NDEL1: variants seen among roughly 807,000 people sequenced by gnomAD.
NDEL1 encodes nuclear distribution protein nudE-like 1.
Under a neutral mutation model 45.7 loss-of-function variants are expected in NDEL1, and 9 were observed. The ratio of observed to expected loss-of-function variants is 0.20; its 90% CI spans 0.12 to 0.34. The LOEUF is 0.34. NDEL1 is among the 10% of genes least tolerant of loss of function. The pLI, the probability that NDEL1 is intolerant of heterozygous loss-of-function variation, is 1.00. For synonymous variants in NDEL1, 133 were observed against 158.6 expected (o/e 0.84, Z 1.21); for missense variants, 306 against 406.2 (o/e 0.75, Z 2.12).
upstream of NDEL1, among the ~76,000 whole-genome samples, chr17:8,435,683 G>T (rs372620077): frequency 2.7e-3 from 407 of 152,348 alleles, 5 homozygotes; most frequent in African/African-American, 9.4e-3. Context: ...GCCAAAACCA[G>T]CCGGTCGCAG....
At chr17:8,472,485 C>T (rs1456891316), downstream of NDEL1, among the ~76,000 whole-genome samples, 1 of 152,070 alleles carries the variant, frequency 6.6e-6, no homozygotes, top group Non-Finnish European at 1.5e-5. Context: ...ATGGTGAAAC[C>T]CCGTTTCTAC....
intron 7 of NDEL1, among the ~76,000 whole-genome samples, chr17:8,456,542 A>T (rs1910860681): frequency 7.5e-6 from 1 of 133,382 alleles, no homozygotes; most frequent in Admixed American, 8.9e-5. Context: ...TTTGTTGCCA[A>T]GGCTGGAGTG....
chr17:8,472,033 C>G (rs1019577665), downstream of NDEL1, among the ~76,000 whole-genome samples: 1 of 152,190 alleles, frequency 6.6e-6, no homozygotes, highest in Non-Finnish European at 1.5e-5. Context: ...CCTAACGATT[C>G]CAACCTGGAG....
intron 1 of NDEL1, among the ~76,000 whole-genome samples, chr17:8,414,396 G>T (rs964366804): frequency 6.6e-6 from 1 of 152,140 alleles, no homozygotes; most frequent in Non-Finnish European, 1.5e-5. Context: ...GGCCGGGCGC[G>T]GTGGCTCACG....
intron 1 of NDEL1, among the ~76,000 whole-genome samples, chr17:8,419,377 TA>T (rs1908647871): frequency 6.6e-6 from 1 of 152,164 alleles, no homozygotes; most frequent in Non-Finnish European, 1.5e-5. Context: ...CATATAAATA[TA>T]TTCCAGTCTT....
chr17:8,454,723 T>C, intron 6 of NDEL1, 73 bp from the exon 7 acceptor site: 1 of 1,088,604 alleles, frequency 9.2e-7, no homozygotes, highest in Non-Finnish European at 1.4e-6. Context: ...TACACTACTT[T>C]GTAACATCAA....
intron 8 of NDEL1, among the ~76,000 whole-genome samples, chr17:8,462,170 G>A (rs780608639): frequency 2.0e-5 from 3 of 151,606 alleles, no homozygotes; most frequent in Non-Finnish European, 4.4e-5. Flanking sequence ...AGCTGAACCC[G>A]GAAATGTGCT....
At position 8,444,349 on chromosome 17, in the gene NDEL1, T is replaced by C; in HGVS notation, c.78T>C (p.Tyr26=). The stretch of plus-strand genomic sequence containing the variant: ...ATTGGAAGGAACTTTCCTTGAAGTA[T>C]AAGCAAAGGTAATGTTGGAAAGCAC... ...TAYWKELSLK[Y]KQSFQEARDE... Residue 26 remains tyrosine, a synonymous_variant, in exon 2 of 9, where the codon TAT becomes TAC. Coordinates refer to ENST00000334527, the MANE Select transcript of NDEL1 (RefSeq NM_030808.5). The C allele has an allele frequency of 6.2e-7, 1 of 1,609,944 alleles. No individual in the cohort carries two copies. Among genetic ancestry groups the C allele is most frequent in the Non-Finnish European group, 8.5e-7 (1 of 1,176,756 alleles).
At chr17:8,426,555 C>T (rs1421996747) in intron 1 of NDEL1, among the ~76,000 whole-genome samples, 1 of 152,116 alleles carries the variant, frequency 6.6e-6, no homozygotes, top group East Asian at 1.9e-4. Context: ...CCATCCTTTT[C>T]TTGGGAGGCA....
chr17:8,462,569 T>G (rs1181009324), intron 8 of NDEL1, among the ~76,000 whole-genome samples: 1 of 152,132 alleles, frequency 6.6e-6, no homozygotes, highest in Non-Finnish European at 1.5e-5. Context: ...ACTTCCCAGG[T>G]CCATTATACA....
chr17:8,433,805 C>A (rs1350257078), upstream of NDEL1, among the ~76,000 whole-genome samples: 2 of 151,964 alleles, frequency 1.3e-5, no homozygotes, highest in Non-Finnish European at 2.9e-5. Flanking sequence ...TATGGGCCAC[C>A]ATGCTTGGCC....
At chr17:8,445,675 A>G in intron 2 of NDEL1, 36 bp from the exon 3 acceptor site, 4 of 1,577,058 alleles carry the variant, frequency 2.5e-6, no homozygotes, top group Non-Finnish European at 3.4e-6. Flanking sequence ...TGTGGTTCTT[A>G]GTGTAACTCG....
Position 8,467,252 on chromosome 17 carries a change from CAT to C in NDEL1, c.*230_*231del, listed in dbSNP as rs1387059816. On this transcript the variant is annotated 3_prime_UTR_variant, in exon 9 of 9. Coordinates refer to ENST00000334527, the MANE Select transcript of NDEL1 (RefSeq NM_030808.5). This position sits in a 1 kb window ranked among gnomAD's most constrained non-coding sequence, Gnocchi z 6.3. ...TCTCGCCGTAGTGCCGTTGGTTTCA[CAT>C]GATTGCACTTTTGTGGGTCGCAAGG... The C allele has an allele frequency of 1.7e-6, 1 of 588,136 alleles. No individual in the cohort carries two copies. Among genetic ancestry groups the C allele is most frequent in the Non-Finnish European group, 3.0e-6 (1 of 330,672 alleles). 36.4% of individuals were successfully genotyped at this position (588,136 alleles called of 1,614,324 possible). A position where few individuals can be genotyped will look rare whatever the true frequency, so the allele number is the denominator to read the frequency against.
chr17:8,436,892 G>A (rs982484337), intron 1 of NDEL1, among the ~76,000 whole-genome samples: 1 of 152,178 alleles, frequency 6.6e-6, no homozygotes, highest in African/African-American at 2.4e-5. Context: ...CTGGTGAGTG[G>A]TTTAGCTTGG....
rs144238051 is a variant in NDEL1 at position 8,458,816 on chromosome 17, T to C, written c.793-1193T>C. ...ATCAAGGCTCACAGCAATCTCTGCT[T>C]CCTGGGTTCCAGTGATTCTTGTGCC... On this transcript the variant is annotated intron_variant, in intron 7 of 8. Coordinates refer to ENST00000334527, the MANE Select transcript of NDEL1 (RefSeq NM_030808.5). 4.7e-3 allele frequency among the ~76,000 whole-genome samples: 714 copies of C among 152,292 alleles called. 7 individuals carry two copies. Among genetic ancestry groups the C allele is most frequent in the African/African-American group, 0.016 (647 of 41,562 alleles).
At chr17:8,439,076 G>C (rs1179288929) in intron 1 of NDEL1, among the ~76,000 whole-genome samples, 1 of 151,808 alleles carries the variant, frequency 6.6e-6, no homozygotes, top group Non-Finnish European at 1.5e-5. Flanking sequence ...CGAGTAGCTG[G>C]GACTGCAGGT....
At chr17:8,441,108 C>T (rs527987576) in intron 1 of NDEL1, among the ~76,000 whole-genome samples, 15 of 152,144 alleles carry the variant, frequency 9.9e-5, no homozygotes, top group Non-Finnish European at 1.8e-4. Flanking sequence ...AGAAAGAGTA[C>T]TGAAAACTCA....
chr17:8,469,312 A>G (rs1911774867), downstream of NDEL1, among the ~76,000 whole-genome samples: 1 of 152,208 alleles, frequency 6.6e-6, no homozygotes, highest in Non-Finnish European at 1.5e-5. Flanking sequence ...AGGAACCCCA[A>G]CTAAAACACA....
In NDEL1 at chr17:8,448,595, G is replaced by A. The variant is rs368669410; in HGVS notation, c.435G>A (p.Gln145=). The A allele has an allele frequency of 4.3e-5, 70 of 1,614,020 alleles. No homozygotes were observed. Among genetic ancestry groups the A allele is most frequent in the Non-Finnish European group, 5.1e-6 (6 of 1,180,014 alleles). Reference sequence around the variant, plus strand: ...AAGACTTTGAACAAAGGCTAAACCAGGCCATTGAACGAAATGCATTTTTAG... The same window carrying A: ...AAGACTTTGAACAAAGGCTAAACCAAGCCATTGAACGAAATGCATTTTTAG... The part of the protein sequence containing the change: ...SLEDFEQRLN[Q]AIERNAFLES... Residue 145 remains glutamine (Q), a synonymous_variant, in exon 5 of 9, where the codon CAG becomes CAA. Coordinates refer to ENST00000334527, the MANE Select transcript of NDEL1 (RefSeq NM_030808.5).
Sources: gnomAD v4.1 joint callset for allele counts (sites outside exome capture counted in the v4.1 genomes callset) on GRCh38, gnomAD v4.1.1 for gene constraint, Gnocchi (gnomAD v3.1) non-coding constraint, MANE v1.5 for transcripts, NCBI Gene and HGNC (gene_info 2026-07-23, HGNC 2026-07-21) for gene names.